Variants in SLC3A2 observed in about 807,000 individuals in gnomAD.
SLC3A2 encodes solute carrier family 3 member 2, also known as amino acid transporter heavy chain SLC3A2.
In SLC3A2, 32 loss-of-function variants were observed where a neutral mutation model predicts 48.5. The ratio of observed to expected loss-of-function variants is 0.66; its 90% CI spans 0.50 to 0.89. The LOEUF (loss-of-function observed/expected upper bound fraction) is 0.89, where lower values mean the gene tolerates loss of function less well. Ranked by LOEUF, SLC3A2 falls within the 40% of genes least tolerant of loss-of-function variation. The probability of loss-of-function intolerance (pLI) is 0.00; values close to 1 mark genes in which losing one functional copy is unlikely to be tolerated. For missense variants in SLC3A2, 587 were observed against 680.7 expected (o/e 0.86, Z 1.53); for synonymous variants, 277 against 288.8 (o/e 0.96, Z 0.41).
Position 62,881,033 on chromosome 11 carries a change from G to A in SLC3A2, c.10G>A (p.Asp4Asn). 1.3e-6 allele frequency: 2 copies of A among 1,571,640 alleles called. No individual in the cohort carries two copies. Among genetic ancestry groups the A allele is most frequent in the Non-Finnish European group, 1.7e-6 (2 of 1,155,810 alleles). The change falls in exon 1 of 9, where the codon GAC becomes AAC. Residue 4 changes from aspartate (D) to asparagine (N), a missense_variant. Transcript: ENST00000338663. This position sits in a 1 kb window ranked among gnomAD's most constrained non-coding sequence, Gnocchi z 4.0. MSQ[D>N]TEVDMKEVEL... ...CGGTTCTGCAGGCACCATGAGCCAGGACACCGAGGTGGATATGAAGGAGGT... is the reference window on the plus strand; with the variant it reads ...CGGTTCTGCAGGCACCATGAGCCAGAACACCGAGGTGGATATGAAGGAGGT...
At chr11:62,862,983 G>A (rs2085417908) in intron 1 of SLC3A2, among the ~76,000 whole-genome samples, 2 of 152,038 alleles carry the variant, frequency 1.3e-5, no homozygotes, top group Admixed American at 6.6e-5. Flanking sequence ...GTGCAGTGGC[G>A]TGATCTCAGT....
upstream of SLC3A2, chr11:62,880,763 T>C: frequency 3.8e-6 from 2 of 530,340 alleles, no homozygotes; most frequent in East Asian, 3.3e-5. Flanking sequence ...CAGGAAGTAC[T>C]GTCGGAGGCG....
chr11:62,862,414 C>T (rs1470323460), intron 1 of SLC3A2, among the ~76,000 whole-genome samples: 4 of 147,438 alleles, frequency 2.7e-5, no homozygotes, highest in South Asian at 2.2e-4. Flanking sequence ...CTTTGGGAGG[C>T]GAAGGTGAGA....
chr11:62,878,309 C>G (rs1170503851), upstream of SLC3A2, among the ~76,000 whole-genome samples: 1 of 152,142 alleles, frequency 6.6e-6, no homozygotes, highest in Admixed American at 6.6e-5. Context: ...TTTTTAGAGA[C>G]AGGGTCTCGC....
chr11:62,880,026 T>A (rs1177131339), upstream of SLC3A2, among the ~76,000 whole-genome samples: 2 of 152,168 alleles, frequency 1.3e-5, no homozygotes, highest in African/African-American at 4.8e-5. Context: ...CATGGCATCT[T>A]CTGGTCTATT....
chr11:62,887,879 A>G (rs1301297347), intron 7 of SLC3A2: 6 of 365,538 alleles, frequency 1.6e-5, no homozygotes, highest in South Asian at 6.5e-5. Context: ...TGCAAGCTCA[A>G]ACTCCTGGGT....
Position 62,888,205 on chromosome 11 carries a change from A to G in SLC3A2, c.1214A>G (p.Asn405Ser), listed in dbSNP as rs752506194. 3.1e-6 allele frequency: 5 copies of G among 1,614,134 alleles called. No individual in the cohort carries two copies. In the South Asian group the frequency reaches 5.5e-5, roughly 18 times the overall value. Residue 405 changes from asparagine to serine, a missense_variant, in exon 8 of 9, where the codon AAC becomes AGC. Coordinates refer to ENST00000338663, the MANE Select transcript of SLC3A2 (RefSeq NM_001013251.3). ...GACATCCCAGGGGCTGTAAGTGCCA[A>G]CATGACTGTGAAGGTAAGAGTTCTA... ...FPDIPGAVSANMTVKGQSEDP... is the reference protein window; with the variant it reads ...FPDIPGAVSASMTVKGQSEDP...
chr11:62,858,230 G>T (rs904664612), intron 1 of SLC3A2, among the ~76,000 whole-genome samples: 2 of 152,114 alleles, frequency 1.3e-5, no homozygotes, highest in African/African-American at 4.8e-5. Context: ...TCCAACTCAC[G>T]TACAGAAATC....
chr11:62,871,206 G>A (rs1485342622), intron 1 of SLC3A2, among the ~76,000 whole-genome samples: 1 of 141,878 alleles, frequency 7.0e-6, no homozygotes, highest in Non-Finnish European at 1.5e-5. Context: ...TATTCCTTTA[G>A]CAAATAACAT....
At chr11:62,856,233 C>T (rs1285965327) in exon 1 of SLC3A2, 1 of 1,548,678 alleles carries the variant, frequency 6.5e-7, no homozygotes, top group African/African-American at 1.4e-5. Context: ...CTGCCCCTTG[C>T]CCACACACCC....
intron 1 of SLC3A2, among the ~76,000 whole-genome samples, chr11:62,874,900 T>C (rs2085555238): frequency 6.6e-6 from 1 of 151,986 alleles, no homozygotes. Flanking sequence ...GTAGCTGGGA[T>C]TACAGGCACC....
At chr11:62,859,060 G>C (rs886781690) in intron 1 of SLC3A2, among the ~76,000 whole-genome samples, 3 of 151,494 alleles carry the variant, frequency 2.0e-5, no homozygotes, top group East Asian at 1.9e-4. Context: ...CAGCACAGAC[G>C]CTTTACGGGT....
chr11:62,872,101 G>A (rs1208460514), intron 1 of SLC3A2, among the ~76,000 whole-genome samples: 32 of 152,110 alleles, frequency 2.1e-4, no homozygotes, highest in Admixed American at 2.1e-3. Context: ...ATTTTTAGTA[G>A]AGACGGGGTT....
chr11:62,888,525 G>C lies in SLC3A2; in HGVS notation c.1422G>C (p.Ser474=), dbSNP rs779385454. 6.2e-7 allele frequency: 1 copy of C among 1,614,100 alleles called. No individual in the cohort carries two copies. The highest frequency in any genetic ancestry group is 1.1e-5 in the South Asian group (1 of 91,080). ...TTAACTTTGGGGATGTGGGCCTCTCGGCTGGACTGCAGGCCTCCGACCTGC... is the reference window on the plus strand; with the variant it reads ...TTAACTTTGGGGATGTGGGCCTCTCCGCTGGACTGCAGGCCTCCGACCTGC... ...VVLNFGDVGL[S]AGLQASDLPA... is the part of the protein sequence containing the mutation. Residue 474 remains serine (S), a synonymous_variant, in exon 9 of 9, where the codon TCG becomes TCC. Transcript: ENST00000338663.
intron 1 of SLC3A2, among the ~76,000 whole-genome samples, chr11:62,865,356 C>T (rs1159192761): frequency 6.6e-6 from 1 of 151,988 alleles, no homozygotes; most frequent in East Asian, 1.9e-4. Flanking sequence ...AGTTTGAGAC[C>T]AGCCTGGCCA....
chr11:62,884,418 A>G, intron 3 of SLC3A2, 39 bp from the exon 4 acceptor site: 1 of 1,611,740 alleles, frequency 6.2e-7, no homozygotes, highest in Non-Finnish European at 8.5e-7. Flanking sequence ...CCTTTTCCTG[A>G]GAACTGATGT....
In SLC3A2 at chr11:62,881,465, C is replaced by T; in HGVS notation, c.424+18C>T. 6.4e-7 allele frequency: 1 copy of T among 1,558,522 alleles called. No homozygotes were observed. The highest frequency in any genetic ancestry group is 8.6e-7 in the Non-Finnish European group (1 of 1,160,342). On this transcript the variant is annotated intron_variant, in intron 1 of 8. Coordinates refer to ENST00000338663, the MANE Select transcript of SLC3A2 (RefSeq NM_001013251.3). This position sits in a 1 kb window ranked among gnomAD's most constrained non-coding sequence, Gnocchi z 4.0. Reference sequence around the variant, plus strand: ...CCTGGCGGGTGAGTGCAGCGCGCCCCCGTCCCGGGTACCTCCGGTTGAATC... The same window carrying T: ...CCTGGCGGGTGAGTGCAGCGCGCCCTCGTCCCGGGTACCTCCGGTTGAATC...
At chr11:62,864,770 A>ATTTTT (rs553131030) in intron 1 of SLC3A2, among the ~76,000 whole-genome samples, 1 of 113,642 alleles carries the variant, frequency 8.8e-6, no homozygotes. Flanking sequence ...CCGGCCGCTA[A>ATTTTT]TTTTTTTTTT....
intron 1 of SLC3A2, among the ~76,000 whole-genome samples, chr11:62,871,125 G>A (rs987335838): frequency 1.3e-5 from 2 of 151,254 alleles, no homozygotes; most frequent in South Asian, 4.2e-4. Context: ...CTTGTGATCC[G>A]CCTGCCTTGG....
Sources: gnomAD v4.1 joint callset for allele counts (sites outside exome capture counted in the v4.1 genomes callset) on GRCh38, gnomAD v4.1.1 for gene constraint, Gnocchi (gnomAD v3.1) non-coding constraint, MANE v1.5 for transcripts, NCBI Gene and HGNC (gene_info 2026-07-23, HGNC 2026-07-21) for gene names.